The following NEBL variants were observed in gnomAD, a reference collection of about 807,000 sequenced individuals.
NEBL encodes the protein LIM and SH3 protein 2.
A neutral mutation model predicts 140.2 loss-of-function variants in NEBL; 122 were observed. The observed-to-expected ratio is 0.87, with a 90% CI of 0.75 to 1.01. NEBL has a LOEUF of 1.01. NEBL is among the 50% of genes least tolerant of loss of function. The pLI is 0.00. For missense variants in NEBL, 1,365 were observed against 1,231.3 expected, an observed-to-expected ratio of 1.11 and a Z score of -1.62; for synonymous variants, 436 against 398.9, an observed-to-expected ratio of 1.09 and a Z score of -1.11.
chr10:21,099,637 T>G (rs1837378231), intron 2 of NEBL, among the ~76,000 whole-genome samples: 1 of 152,236 alleles, frequency 6.6e-6, no homozygotes, highest in Admixed American at 6.5e-5. Context: ...TATGAAAGAT[T>G]GTAATCTCTC....
At chr10:21,199,942 T>A (rs1468810524) in intron 3 of NEBL, among the ~76,000 whole-genome samples, 1 of 152,184 alleles carries the variant, frequency 6.6e-6, no homozygotes, top group African/African-American at 2.4e-5. Flanking sequence ...GACTGTACAC[T>A]GTTGGCTCTA....
chr10:21,112,963 C>T (rs1173772097), intron 2 of NEBL: 4 of 337,174 alleles, frequency 1.2e-5, no homozygotes, highest in African/African-American at 2.3e-5. Flanking sequence ...AAGTGATCTG[C>T]CCCTGGAAGT....
intron 26 of NEBL, among the ~76,000 whole-genome samples, chr10:20,805,565 C>T (rs373777827): frequency 2.0e-5 from 3 of 152,090 alleles, no homozygotes; most frequent in Admixed American, 6.6e-5. Flanking sequence ...AAAGAGTCAA[C>T]TTTTTGGCCA....
intron 2 of NEBL, among the ~76,000 whole-genome samples, chr10:21,134,267 T>A (rs1839245492): frequency 6.6e-6 from 1 of 151,984 alleles, no homozygotes; most frequent in Admixed American, 6.6e-5. Flanking sequence ...AAATTTTCCA[T>A]CCCACTGGAA....
intron 2 of NEBL, among the ~76,000 whole-genome samples, chr10:21,061,117 A>G (rs1368765963): frequency 1.3e-5 from 2 of 151,926 alleles, no homozygotes; most frequent in Non-Finnish European, 2.9e-5. Flanking sequence ...TGGTGTCCTC[A>G]TAAAAAGGGG....
intron 3 of NEBL, among the ~76,000 whole-genome samples, chr10:21,016,082 G>A (rs1211725146): frequency 2.0e-5 from 3 of 152,372 alleles, no homozygotes; most frequent in South Asian, 2.1e-4. Context: ...CCGTGGGGGC[G>A]TCTAACCACT....
At chr10:21,073,327 A>T (rs1835904259) in intron 2 of NEBL, among the ~76,000 whole-genome samples, 1 of 151,698 alleles carries the variant, frequency 6.6e-6, no homozygotes, top group East Asian at 1.9e-4. Context: ...TGTCTCAAAA[A>T]AAAAAAAAGC....
In NEBL at chr10:20,821,516, A is replaced by T. The variant is rs78402629; in HGVS notation, c.1962+1692T>A. 6.2e-3 allele frequency among the ~76,000 whole-genome samples: 951 copies of T among 152,266 alleles called. 10 individuals carry two copies. Among genetic ancestry groups the T allele is most frequent in the African/African-American group, 0.022 (897 of 41,542 alleles). On this transcript the variant is annotated intron_variant, in intron 19 of 27. Coordinates refer to ENST00000377122, the MANE Select transcript of NEBL (RefSeq NM_006393.3). ...GATAAATACTACAAATAACACCTAC[A>T]ATGTTATACTTTTTCATTAAATTAA...
intron 4 of NEBL, among the ~76,000 whole-genome samples, chr10:20,917,416 G>T (rs555489961): frequency 3.3e-5 from 5 of 152,228 alleles, no homozygotes; most frequent in African/African-American, 1.2e-4. Context: ...ACCCATTGGC[G>T]TCACAACAGA....
intron 1 of NEBL, among the ~76,000 whole-genome samples, chr10:21,254,632 A>C (rs1411144718): frequency 6.6e-6 from 1 of 152,174 alleles, no homozygotes; most frequent in Non-Finnish European, 1.5e-5. Context: ...TTTTTAATTC[A>C]CAGAACATGC....
intron 7 of NEBL, among the ~76,000 whole-genome samples, chr10:20,861,992 C>T (rs1406498430): frequency 1.3e-5 from 2 of 152,142 alleles, no homozygotes; most frequent in African/African-American, 4.8e-5. Flanking sequence ...TATAGCTAGG[C>T]AAAATCATCT....
chr10:21,277,817 CTT>C (rs1842943285), intron 1 of NEBL, among the ~76,000 whole-genome samples: 1 of 120,294 alleles, frequency 8.3e-6, no homozygotes, highest in South Asian at 3.2e-4. Context: ...TCATTTTTTT[CTT>C]TCTTTCTTTC....
At chr10:20,997,457 A>G (rs995624857) in intron 3 of NEBL, among the ~76,000 whole-genome samples, 3 of 140,502 alleles carry the variant, frequency 2.1e-5, no homozygotes, top group Admixed American at 7.4e-5. Flanking sequence ...CACCAAATAA[A>G]CGCACAGTCT....
intron 5 of NEBL, among the ~76,000 whole-genome samples, chr10:20,876,282 A>C (rs1845493836): frequency 6.6e-6 from 1 of 152,150 alleles, no homozygotes; most frequent in African/African-American, 2.4e-5. Context: ...TAGTTGATAA[A>C]AGTTGTCTTA....
In NEBL at chr10:20,826,349, A is replaced by G. The variant is rs538595004; in HGVS notation, c.1869+98T>C. On this transcript the variant is annotated intron_variant, in intron 18 of 27. Transcript: ENST00000377122. ...TAGCATTTCAATAAAGTGAAGAATA[A>G]AAGGAAAAAAGCCATCAGTTGAGTA... 82 of 933,526 alleles carry G rather than the reference A, an allele frequency of 8.8e-5. No homozygotes were observed. The South Asian group carries it at 1.1e-3, about 12-fold the overall frequency. 57.8% of individuals were successfully genotyped at this position (933,526 alleles called of 1,614,324 possible). A position where few individuals can be genotyped will look rare whatever the true frequency, so the allele number is the denominator to read the frequency against.
chr10:21,098,065 A>C (rs923614793), intron 2 of NEBL, among the ~76,000 whole-genome samples: 2 of 152,218 alleles, frequency 1.3e-5, no homozygotes, highest in Non-Finnish European at 2.9e-5. Context: ...ATGTTGCAAA[A>C]GGATGAAATC....
At chr10:21,073,857 G>C (rs1397718929) in intron 2 of NEBL, among the ~76,000 whole-genome samples, 1 of 152,018 alleles carries the variant, frequency 6.6e-6, no homozygotes. Flanking sequence ...GGCAGATCAC[G>C]AGGTCAGGAG....
At chr10:21,097,354 G>A (rs751714103) in intron 2 of NEBL, among the ~76,000 whole-genome samples, 5 of 152,044 alleles carry the variant, frequency 3.3e-5, no homozygotes, top group African/African-American at 4.8e-5. Context: ...AGCAACTCAG[G>A]AGGCTGAGGC....
intron 2 of NEBL, among the ~76,000 whole-genome samples, chr10:21,120,001 G>A (rs1384274858): frequency 6.6e-6 from 1 of 152,064 alleles, no homozygotes; most frequent in Non-Finnish European, 1.5e-5. Flanking sequence ...ATAGTGCAGA[G>A]GAATGCTAAG....
Sources: gnomAD v4.1 joint callset for allele counts (sites outside exome capture counted in the v4.1 genomes callset) on GRCh38, gnomAD v4.1.1 for gene constraint, MANE v1.5 for transcripts, NCBI Gene and HGNC (gene_info 2026-07-23, HGNC 2026-07-21) for gene names.